VRK2: variants seen among roughly 807,000 people sequenced by gnomAD.
VRK2 encodes the protein serine/threonine-protein kinase VRK2.
Under a neutral mutation model 57.6 loss-of-function variants are expected in VRK2, and 60 were observed. The observed-to-expected ratio is 1.04, with a 90% CI of 0.85 to 1.29. The LOEUF (loss-of-function observed/expected upper bound fraction) is 1.29, where lower values mean the gene tolerates loss of function less well. Among genes scored for constraint, VRK2 ranks in the 50% most tolerant of loss-of-function variants. The probability of loss-of-function intolerance (pLI) is 0.00; values close to 1 mark genes in which losing one functional copy is unlikely to be tolerated. For synonymous variants in VRK2, 231 were observed against 199.2 expected (o/e 1.16, Z -1.35); for missense variants, 705 against 588.1 (o/e 1.20, Z -2.06).
At chr2:58,021,377 A>C (rs1160818315) in intron 1 of VRK2, among the ~76,000 whole-genome samples, 1 of 152,202 alleles carries the variant, frequency 6.6e-6, no homozygotes, top group African/African-American at 2.4e-5. Flanking sequence ...CTTCATATCC[A>C]AAATAAAAAA....
intron 1 of VRK2, among the ~76,000 whole-genome samples, chr2:57,995,782 G>C (rs1672905074): frequency 6.6e-6 from 1 of 152,132 alleles, no homozygotes; most frequent in Non-Finnish European, 1.5e-5. Flanking sequence ...ATGTGAAACT[G>C]CTTTTCTTTC....
At chr2:57,949,882 A>G (rs934330961) in intron 1 of VRK2, among the ~76,000 whole-genome samples, 1 of 152,252 alleles carries the variant, frequency 6.6e-6, no homozygotes, top group African/African-American at 2.4e-5. Flanking sequence ...AGAATGTGAA[A>G]CAGCCTTATT....
intron 1 of VRK2, among the ~76,000 whole-genome samples, chr2:58,005,091 T>A (rs935751633): frequency 6.6e-6 from 1 of 152,182 alleles, no homozygotes; most frequent in Non-Finnish European, 1.5e-5. Flanking sequence ...GCAATTTTAA[T>A]TATCATCTAG....
intron 1 of VRK2, among the ~76,000 whole-genome samples, chr2:57,939,322 T>G (rs1185588989): frequency 1.3e-5 from 2 of 152,220 alleles, no homozygotes; most frequent in Non-Finnish European, 2.9e-5. Context: ...TATGCAAACA[T>G]GTATTGATCC....
chr2:58,085,505 A>G (rs748504580), intron 4 of VRK2, among the ~76,000 whole-genome samples: 1 of 151,994 alleles, frequency 6.6e-6, no homozygotes, highest in Non-Finnish European at 1.5e-5. Context: ...GAATATAAGC[A>G]GAGAGGAAAA....
intron 7 of VRK2, among the ~76,000 whole-genome samples, chr2:58,092,060 C>T (rs778126897): frequency 5.3e-4 from 81 of 152,154 alleles, no homozygotes; most frequent in Non-Finnish European, 7.1e-4. Flanking sequence ...GTAAATGTCA[C>T]GCTTTTAAAT....
At chr2:58,075,476 T>A (rs1669970038) in intron 2 of VRK2, among the ~76,000 whole-genome samples, 1 of 152,158 alleles carries the variant, frequency 6.6e-6, no homozygotes, top group Admixed American at 6.6e-5. Context: ...TTTTCCACAA[T>A]GGCTGAACTG....
chr2:57,942,065 T>C (rs909740561), intron 1 of VRK2, among the ~76,000 whole-genome samples: 1 of 152,226 alleles, frequency 6.6e-6, no homozygotes, highest in Non-Finnish European at 1.5e-5. Context: ...GGCAGGCAAG[T>C]TGCTGCCTGG....
chr2:58,140,789 C>G (rs1252768424), intron 11 of VRK2, among the ~76,000 whole-genome samples: 1 of 151,892 alleles, frequency 6.6e-6, no homozygotes, highest in Non-Finnish European at 1.5e-5. Context: ...AACCTTGGCA[C>G]CAGAGCTTTA....
At chr2:58,023,437 G>T (rs1444709133) in intron 1 of VRK2, among the ~76,000 whole-genome samples, 1 of 151,950 alleles carries the variant, frequency 6.6e-6, no homozygotes, top group Non-Finnish European at 1.5e-5. Flanking sequence ...GGACCCTTTG[G>T]TTGCTTCTTG....
At chr2:57,979,136 G>A (rs533396389) in intron 1 of VRK2, among the ~76,000 whole-genome samples, 1 of 151,304 alleles carries the variant, frequency 6.6e-6, no homozygotes, top group Admixed American at 6.5e-5. Context: ...ACGTGTGCAT[G>A]TGTTTTTGCA....
chr2:58,032,399 CA>C (rs1674143241), intron 2 of VRK2, among the ~76,000 whole-genome samples: 1 of 152,058 alleles, frequency 6.6e-6, no homozygotes, highest in African/African-American at 2.4e-5. Context: ...GATCCACTGA[CA>C]GGTTCATAAA....
At chr2:57,994,706 T>C (rs1672872873) in intron 1 of VRK2, among the ~76,000 whole-genome samples, 1 of 152,130 alleles carries the variant, frequency 6.6e-6, no homozygotes, top group Admixed American at 6.5e-5. Flanking sequence ...CATTTGTTTA[T>C]ATGGATTATA....
intron 7 of VRK2, among the ~76,000 whole-genome samples, chr2:58,101,627 C>T (rs1249765487): frequency 6.6e-6 from 1 of 151,518 alleles, no homozygotes; most frequent in Admixed American, 6.6e-5. Context: ...CACACTTTCT[C>T]TTTCTATAAA....
At chr2:58,117,224 T>C (rs1676654723) in intron 7 of VRK2, among the ~76,000 whole-genome samples, 1 of 152,124 alleles carries the variant, frequency 6.6e-6, no homozygotes, top group African/African-American at 2.4e-5. Context: ...TTATATTTGA[T>C]GAAAAAGAGC....
chr2:58,119,968 T>G (rs1413632766), intron 7 of VRK2, among the ~76,000 whole-genome samples: 2 of 151,648 alleles, frequency 1.3e-5, no homozygotes, highest in African/African-American at 4.8e-5. Context: ...ACCTGTAACT[T>G]CCTATGAAGA....
At chr2:58,031,448 T>C (rs1674107749) in intron 2 of VRK2, among the ~76,000 whole-genome samples, 1 of 152,030 alleles carries the variant, frequency 6.6e-6, no homozygotes, top group African/African-American at 2.4e-5. Context: ...GTTAATCTCC[T>C]CCTTTCCCTC....
intron 1 of VRK2, among the ~76,000 whole-genome samples, chr2:57,961,636 C>T (rs1246009191): frequency 2.2e-5 from 2 of 92,998 alleles, no homozygotes; most frequent in Non-Finnish European, 4.6e-5. Flanking sequence ...CCCCCCCCCA[C>T]TTATTACTCT....
intron 7 of VRK2, among the ~76,000 whole-genome samples, chr2:58,114,581 G>A (rs1359871152): frequency 6.6e-6 from 1 of 152,120 alleles, no homozygotes; most frequent in Non-Finnish European, 1.5e-5. Flanking sequence ...TAAAAGTATT[G>A]TCCAGTCCTT....
Sources: gnomAD v4.1 joint callset for allele counts (sites outside exome capture counted in the v4.1 genomes callset) on GRCh38, gnomAD v4.1.1 for gene constraint, MANE v1.5 for transcripts, NCBI Gene and HGNC (gene_info 2026-07-23, HGNC 2026-07-21) for gene names.